NDUFB11: variants seen among roughly 807,000 people sequenced by gnomAD.
The protein encoded by NDUFB11 is NADH dehydrogenase [ubiquinone] 1 beta subcomplex subunit 11, mitochondrial.
For synonymous variants in NDUFB11, 51 were observed against 57.4 expected, an observed-to-expected ratio of 0.89 and a Z score of 0.51; for missense variants, 108 against 133.8, an observed-to-expected ratio of 0.81 and a Z score of 0.95.
At chrX:47,144,445 T>TGGCCCC in intron 1 of NDUFB11, 28 bp downstream of exon 1, 2 of 60,999 alleles carry the variant, frequency 3.3e-5, no homozygotes, top group Non-Finnish European at 5.3e-5. Context: ...CCGTCCCCAC[T>TGGCCCC]ACCCCCCCCC....
chrX:47,143,983 G>T (rs1481747928), intron 1 of NDUFB11, among the ~76,000 whole-genome samples: 1 of 111,189 alleles, frequency 9.0e-6, no homozygotes, highest in African/African-American at 3.3e-5. Context: ...ATGAGCTAAT[G>T]CATGTCAAGT....
rs371084830 is a variant in NDUFB11, at chrX:47,142,286, C to T, written c.*31G>A. The T allele has an allele frequency of 5.4e-5, 64 of 1,193,813 alleles. 1 individual carries two copies. Among genetic ancestry groups the T allele is most frequent in the South Asian group, 1.5e-4 (8 of 55,164 alleles). On this transcript the variant is annotated 3_prime_UTR_variant, in exon 3 of 3. Coordinates refer to ENST00000377811, the MANE Select transcript of NDUFB11 (RefSeq NM_001135998.3). Reference sequence around the variant, plus strand: ...AATGGCAGGCAGGGGGTGGGGAAGGCGGTGCTTCTTGAGCCCCACTTAGCA... The same window carrying T: ...AATGGCAGGCAGGGGGTGGGGAAGGTGGTGCTTCTTGAGCCCCACTTAGCA...
chrX:47,145,374 C>A, upstream of NDUFB11: 1 of 1,071,371 alleles, frequency 9.3e-7, no homozygotes, highest in Non-Finnish European at 1.3e-6. Flanking sequence ...CCTCCAGTCT[C>A]GGACTTGGTT....
upstream of NDUFB11, chrX:47,145,485 G>C (rs1556761636): frequency 8.7e-7 from 1 of 1,154,075 alleles, no homozygotes; most frequent in Non-Finnish European, 1.1e-6. Flanking sequence ...GGGCCGAGAA[G>C]GTGAGCGTCG....
chrX:47,145,200 C>G, upstream of NDUFB11: 1 of 432,639 alleles, frequency 2.3e-6, no homozygotes, highest in Non-Finnish European at 4.0e-6. Context: ...ATCGCCGGGG[C>G]CGGCCAGAGC....
upstream of NDUFB11, chrX:47,145,365 C>T (rs994908519): frequency 3.4e-5 from 35 of 1,023,546 alleles, 1 homozygote; most frequent in South Asian, 2.0e-5. Flanking sequence ...CCCGATCTGC[C>T]TCCAGTCTCG....
rs782572780 is a variant in NDUFB11, at chrX:47,144,481, A to T, written c.199T>A (p.Tyr67Asn). 2 of 574,979 alleles carry T rather than the reference A, an allele frequency of 3.5e-6. No homozygotes were observed. The highest frequency in any genetic ancestry group is 4.2e-6 in the Non-Finnish European group (2 of 480,235). 47.4% of individuals were successfully genotyped at this position (574,979 alleles called of 1,213,427 possible). A position where few individuals can be genotyped will look rare whatever the true frequency, so the allele number is the denominator to read the frequency against. Residue 67 changes from tyrosine (Y) to asparagine (N), a missense_variant, in exon 1 of 3, where the codon TAT becomes AAT. Coordinates refer to ENST00000377811, the MANE Select transcript of NDUFB11 (RefSeq NM_001135998.3). ...EDPEPEDENLYEKNPDSHGYD... is the reference protein window; with the variant it reads ...EDPEPEDENLNEKNPDSHGYD... ...CCCCCCCCGCCTCTCACCTTCTCAT[A>T]CAAGTTTTCGTCCTCGGGTTCTGGG... is the stretch of plus-strand genomic sequence containing the variant.
upstream of NDUFB11, chrX:47,145,290 C>T (rs1362401098): frequency 5.1e-6 from 3 of 582,768 alleles, no homozygotes; most frequent in Non-Finnish European, 8.5e-6. Context: ...TGACTGTGGC[C>T]GGCTGGGAGT....
upstream of NDUFB11, chrX:47,145,238 C>T (rs990995623): frequency 6.5e-6 from 3 of 464,547 alleles, no homozygotes; most frequent in Non-Finnish European, 1.1e-5. Flanking sequence ...GGATGGTGGT[C>T]GGAGCGCCGA....
chrX:47,142,273 G>T lies in NDUFB11; in HGVS notation c.*44C>A. On this transcript the variant is annotated 3_prime_UTR_variant, in exon 3 of 3. Coordinates refer to ENST00000377811, the MANE Select transcript of NDUFB11 (RefSeq NM_001135998.3). ...GAGAAGAGGTCAGAATGGCAGGCAGGGGGTGGGGAAGGCGGTGCTTCTTGA... is the reference window on the plus strand; with the variant it reads ...GAGAAGAGGTCAGAATGGCAGGCAGTGGGTGGGGAAGGCGGTGCTTCTTGA... 8.4e-7 allele frequency: 1 copy of T among 1,190,150 alleles called. No homozygotes were observed. The highest frequency in any genetic ancestry group is 3.0e-5 in the East Asian group (1 of 33,289).
At chrX:47,144,784 T>C, upstream of NDUFB11, 3 of 767,527 alleles carry the variant, frequency 3.9e-6, no homozygotes, top group Non-Finnish European at 5.4e-6. Flanking sequence ...CGCCACGCTA[T>C]ATAGGTCCCA....
At position 47,144,504 on chromosome X, in the gene NDUFB11, G is replaced by A. The variant is rs782332247; in HGVS notation, c.176C>T (p.Pro59Leu). 2 of 1,029,848 alleles carry A rather than the reference G, an allele frequency of 1.9e-6. No homozygotes were observed. The highest frequency in any genetic ancestry group is 2.5e-6 in the Non-Finnish European group (2 of 797,224). 84.9% of individuals were successfully genotyped at this position (1,029,848 alleles called of 1,213,427 possible). A position where few individuals can be genotyped will look rare whatever the true frequency, so the allele number is the denominator to read the frequency against. The change falls in exon 1 of 3, where the codon CCA (proline) becomes CTA (leucine). Residue 59 changes from proline to leucine, a missense_variant. Physicochemically the swap from Pro to Leu is moderately conservative, Grantham distance 98. Transcript: ENST00000377811. ...ATACAAGTTTTCGTCCTCGGGTTCT[G>A]GGTCCTCTTGCCACGGTGTGGTCGG... The part of the protein sequence containing the change: ...PEPTTPWQED[P>L]EPEDENLYEK...
upstream of NDUFB11, chrX:47,145,356 C>T (rs1007920530): frequency 1.7e-4 from 172 of 984,565 alleles, 1 homozygote; most frequent in Middle Eastern, 2.6e-4. Flanking sequence ...TCCCCTCCCC[C>T]CGATCTGCCT....
At position 47,144,480 on chromosome X, in the gene NDUFB11, T is replaced by A. The variant is rs782489200; in HGVS notation, c.200A>T (p.Tyr67Phe). ...EDPEPEDENL[Y>F]EKNPDSHGYD... ...CCCCCCCCCGCCTCTCACCTTCTCA[T>A]ACAAGTTTTCGTCCTCGGGTTCTGG... The change falls in exon 1 of 3, where the codon TAT becomes TTT. Residue 67 changes from tyrosine (Y) to phenylalanine (F), a missense_variant. Coordinates refer to ENST00000377811, the MANE Select transcript of NDUFB11 (RefSeq NM_001135998.3). 4 of 270,768 alleles carry A rather than the reference T, an allele frequency of 1.5e-5. No individual in the cohort carries two copies. Among genetic ancestry groups the A allele is most frequent in the Non-Finnish European group, 1.9e-5 (4 of 206,515 alleles). The allele number at this position is 270,768 out of a possible 1,213,427, so 22.3% of individuals were successfully genotyped here.
At chrX:47,145,246 C>G (rs947140029), upstream of NDUFB11, 12 of 475,236 alleles carry the variant, frequency 2.5e-5, no homozygotes, top group Non-Finnish European at 3.3e-5. Context: ...GTCGGAGCGC[C>G]GACTCCCTTC....
upstream of NDUFB11, chrX:47,145,108 A>T: frequency 3.0e-6 from 1 of 337,432 alleles, no homozygotes; most frequent in Non-Finnish European, 5.2e-6. Context: ...CCACTAGGGG[A>T]GCGTTCGCAA....
chrX:47,145,173 C>G, upstream of NDUFB11: 1 of 424,303 alleles, frequency 2.4e-6, no homozygotes, highest in South Asian at 3.4e-5. Context: ...GGGCTGTCCC[C>G]TAGCGGGCGG....
Position 47,144,656 on chromosome X carries a change from C to G in NDUFB11, c.24G>C (p.Leu8Phe), listed in dbSNP as rs781970802. 3.4e-6 allele frequency: 4 copies of G among 1,167,469 alleles called. No individual in the cohort carries two copies. In the African/African-American group the frequency reaches 7.2e-5, roughly 21 times the overall value. Residue 8 changes from leucine (L) to phenylalanine (F), a missense_variant, in exon 1 of 3, where the codon TTG becomes TTC. Physicochemically the swap from Leu to Phe is conservative, Grantham distance 22 (BLOSUM62 0). Transcript: ENST00000377811. MAAGLFGLSARRLLAAAA... is the reference protein window; with the variant it reads MAAGLFGFSARRLLAAAA... ...CTGCCGCCAAAAGACGGCGAGCGCT[C>G]AAACCAAACAGCCCAGCCGCCATGA...
At chrX:47,144,954 T>A (rs782472450), upstream of NDUFB11, 8 of 324,163 alleles carry the variant, frequency 2.5e-5, no homozygotes, top group African/African-American at 7.8e-5. Context: ...GACATTTGGG[T>A]GGATACAGTT....
Sources: allele counts gnomAD v4.1 joint callset (sites outside exome capture counted in the v4.1 genomes callset), GRCh38; gene constraint gnomAD v4.1.1; transcripts MANE v1.5; gene names NCBI Gene and HGNC (gene_info 2026-07-23, HGNC 2026-07-21).